The following NRXN3 variants were observed in gnomAD, a reference collection of about 807,000 sequenced individuals.
NRXN3 encodes the protein neurexin 3, also known as neurexin III.
NRXN3 carries 32 observed loss-of-function variants against 137.6 expected under a neutral mutation model. The ratio of observed to expected loss-of-function variants is 0.23; its 90% confidence interval spans 0.18 to 0.31. The LOEUF (loss-of-function observed/expected upper bound fraction) is 0.31, where lower values mean the gene tolerates loss of function less well. NRXN3 is among the 10% of genes least tolerant of loss of function. The pLI is 1.00. For missense variants in NRXN3, 1,574 were observed against 2,062.5 expected, an observed-to-expected ratio of 0.76 and a Z score of 4.59; for synonymous variants, 798 against 784.5, an observed-to-expected ratio of 1.02 and a Z score of -0.29.
intron 15 of NRXN3, among the ~76,000 whole-genome samples, chr14:79,042,179 T>C (rs2099626147): frequency 6.6e-6 from 1 of 152,194 alleles, no homozygotes; most frequent in Non-Finnish European, 1.5e-5. Flanking sequence ...GATGGGGACC[T>C]GTCAGTCTTC....
At chr14:78,747,179 G>A (rs2098612839) in intron 8 of NRXN3, among the ~76,000 whole-genome samples, 1 of 152,160 alleles carries the variant, frequency 6.6e-6, no homozygotes, top group African/African-American at 2.4e-5. Flanking sequence ...CACCTCTCTG[G>A]CCAGTGTTGT....
chr14:78,567,253 A>C (rs2096844609), intron 4 of NRXN3, among the ~76,000 whole-genome samples: 1 of 152,212 alleles, frequency 6.6e-6, no homozygotes, highest in Non-Finnish European at 1.5e-5. Context: ...GCCAGATGGG[A>C]GTGGGGAATA....
At chr14:78,319,245 T>G (rs1051083832) in intron 4 of NRXN3, among the ~76,000 whole-genome samples, 1 of 152,202 alleles carries the variant, frequency 6.6e-6, no homozygotes, top group Admixed American at 6.5e-5. Flanking sequence ...CTGCTGAAAC[T>G]CAAGCCTTCT....
chr14:78,911,806 C>A (rs2099238523), intron 10 of NRXN3, among the ~76,000 whole-genome samples: 1 of 151,998 alleles, frequency 6.6e-6, no homozygotes, highest in Non-Finnish European at 1.5e-5. Flanking sequence ...GAGTTAAACA[C>A]AAGACCCTAG....
intron 1 of NRXN3, among the ~76,000 whole-genome samples, chr14:78,198,150 C>G (rs543929355): frequency 1.3e-5 from 2 of 152,336 alleles, no homozygotes; most frequent in East Asian, 3.9e-4. Context: ...TGGTTTCTAT[C>G]TGGCACATGA....
chr14:79,671,752 T>G (rs995742390), intron 17 of NRXN3, among the ~76,000 whole-genome samples: 3 of 152,112 alleles, frequency 2.0e-5, no homozygotes, highest in Non-Finnish European at 4.4e-5. Flanking sequence ...CAATTACTGC[T>G]ATCAAACCTA....
At chr14:79,027,049 G>A (rs1016720542) in intron 15 of NRXN3, among the ~76,000 whole-genome samples, 2 of 141,110 alleles carry the variant, frequency 1.4e-5, no homozygotes, top group African/African-American at 5.4e-5. Flanking sequence ...ACCCCAAAAA[G>A]CAGGACAACA....
intron 4 of NRXN3, among the ~76,000 whole-genome samples, chr14:78,474,709 A>C (rs754021122): frequency 1.3e-5 from 2 of 152,212 alleles, no homozygotes; most frequent in Non-Finnish European, 2.9e-5. Flanking sequence ...GAGAGTAGAA[A>C]GTTCCCTACC....
intron 4 of NRXN3, among the ~76,000 whole-genome samples, chr14:78,514,275 G>A (rs1314342535): frequency 6.6e-6 from 1 of 152,126 alleles, no homozygotes; most frequent in African/African-American, 2.4e-5. Context: ...TAGGAAACTA[G>A]AGAAAGAAAA....
At chr14:78,799,751 G>A (rs1398049767) in intron 8 of NRXN3, among the ~76,000 whole-genome samples, 2 of 152,148 alleles carry the variant, frequency 1.3e-5, no homozygotes, top group African/African-American at 4.8e-5. Flanking sequence ...AAGTCAAAAG[G>A]CCTGTCTTAT....
intron 4 of NRXN3, among the ~76,000 whole-genome samples, chr14:78,600,499 T>G (rs2097193890): frequency 1.3e-5 from 2 of 152,230 alleles, no homozygotes; most frequent in Admixed American, 1.3e-4. Flanking sequence ...TAGATCTGCT[T>G]TATTTTGGCT....
chr14:78,373,979 T>TG lies in NRXN3; in HGVS notation c.757+76120dup, dbSNP rs149304939. Among the ~76,000 whole-genome samples, 435 of 152,326 alleles carry TG rather than the reference T, an allele frequency of 2.9e-3. 1 individual carries two copies. The highest frequency in any genetic ancestry group is 0.017 in the South Asian group (84 of 4,830). On this transcript the variant is annotated intron_variant, in intron 4 of 20. Coordinates refer to ENST00000335750, the MANE Select transcript of NRXN3 (RefSeq NM_001330195.2). ...TTTTGTGCTTTAATTCAGTGTTAAG[T>TG]GAGTTGTTGACTTTTTTGGTTTGTT...
At chr14:79,091,268 CT>C (rs1288938869) in intron 15 of NRXN3, among the ~76,000 whole-genome samples, 1 of 152,024 alleles carries the variant, frequency 6.6e-6, no homozygotes, top group East Asian at 1.9e-4. Flanking sequence ...CTGAAGAAAG[CT>C]AAGAGTATTC....
At chr14:79,732,536 G>A (rs1375674305) in intron 19 of NRXN3, among the ~76,000 whole-genome samples, 1 of 151,966 alleles carries the variant, frequency 6.6e-6, no homozygotes, top group Non-Finnish European at 1.5e-5. Context: ...GTTTATGAAA[G>A]GATAAATTAA....
At chr14:79,784,150 G>T (rs2099122172) in intron 19 of NRXN3, among the ~76,000 whole-genome samples, 1 of 152,108 alleles carries the variant, frequency 6.6e-6, no homozygotes, top group East Asian at 1.9e-4. Context: ...AAATATCCCA[G>T]CCTTAGCTCT....
chr14:78,956,637 CT>C (rs1330797575), intron 10 of NRXN3, among the ~76,000 whole-genome samples: 1 of 152,104 alleles, frequency 6.6e-6, no homozygotes, highest in African/African-American at 2.4e-5. Flanking sequence ...CTCACATTCC[CT>C]TCAGGAGCAT....
At chr14:79,045,293 C>A (rs1442016764) in intron 15 of NRXN3, among the ~76,000 whole-genome samples, 1 of 152,122 alleles carries the variant, frequency 6.6e-6, no homozygotes, top group Non-Finnish European at 1.5e-5. Context: ...ATCACTCTGC[C>A]CTTCTGCTCC....
chr14:78,523,343 T>A (rs2096313325), intron 4 of NRXN3, among the ~76,000 whole-genome samples: 2 of 152,206 alleles, frequency 1.3e-5, no homozygotes, highest in Admixed American at 6.5e-5. Flanking sequence ...GAAATTAGTG[T>A]CTGCCTTATT....
Position 78,330,930 on chromosome 14 carries a change from T to C in NRXN3, c.757+33070T>C, listed in dbSNP as rs186211018. 1.0e-3 allele frequency among the ~76,000 whole-genome samples: 152 copies of C among 152,318 alleles called. 1 individual carries two copies. The highest frequency in any genetic ancestry group is 3.5e-3 in the African/African-American group (144 of 41,574). ...TACATACCTGTTGCCCCTTATTAAA[T>C]AAAATATATCAGTACATTTCCTAAC... On this transcript the variant is annotated intron_variant, in intron 4 of 20. Transcript: ENST00000335750.
Sources: gnomAD v4.1 joint callset for allele counts (sites outside exome capture counted in the v4.1 genomes callset) on GRCh38, gnomAD v4.1.1 for gene constraint, MANE v1.5 for transcripts, NCBI Gene and HGNC (gene_info 2026-07-23, HGNC 2026-07-21) for gene names.